The following EXOC6B variants were observed in gnomAD, a reference collection of about 807,000 sequenced individuals.
EXOC6B encodes SEC15 homolog B.
EXOC6B carries 54 observed loss-of-function variants against 113.5 expected under a neutral mutation model. The ratio of observed to expected loss-of-function variants is 0.48; its 90% CI spans 0.38 to 0.60. The LOEUF (loss-of-function observed/expected upper bound fraction) is 0.60. Ranked by LOEUF, EXOC6B falls within the 20% of genes least tolerant of loss-of-function variation. The probability of loss-of-function intolerance (pLI) is 0.00; values close to 1 mark genes in which losing one functional copy is unlikely to be tolerated. For missense variants in EXOC6B, 797 were observed against 977.5 expected (o/e 0.82, Z 2.46); for synonymous variants, 357 against 339.0 (o/e 1.05, Z -0.58).
At chr2:72,705,277 C>T (rs940133442) in intron 6 of EXOC6B, among the ~76,000 whole-genome samples, 25 of 152,116 alleles carry the variant, frequency 1.6e-4, no homozygotes, top group Admixed American at 9.2e-4. Flanking sequence ...AATTCAACAA[C>T]GCTTCATGCT....
chr2:72,228,187 G>C (rs891599914), intron 20 of EXOC6B, among the ~76,000 whole-genome samples: 1 of 152,152 alleles, frequency 6.6e-6, no homozygotes, highest in African/African-American at 2.4e-5. Context: ...ACATGGAGTT[G>C]ACATCACTTG....
At chr2:72,387,626 A>G (rs992444551) in intron 18 of EXOC6B, among the ~76,000 whole-genome samples, 2 of 152,162 alleles carry the variant, frequency 1.3e-5, no homozygotes, top group Admixed American at 6.5e-5. Context: ...TGGTCAAATT[A>G]ATTAGAATAA....
At chr2:72,617,575 T>G (rs1324851978) in intron 6 of EXOC6B, among the ~76,000 whole-genome samples, 20 of 132,530 alleles carry the variant, frequency 1.5e-4, no homozygotes, top group African/African-American at 5.7e-4. Context: ...CAGGCTGGAG[T>G]GCAAAGGCGC....
intron 6 of EXOC6B, among the ~76,000 whole-genome samples, chr2:72,596,681 C>G (rs1197816705): frequency 2.6e-5 from 4 of 152,016 alleles, no homozygotes; most frequent in Non-Finnish European, 5.9e-5. Flanking sequence ...GAGATTTAAT[C>G]ATAAGGCTAC....
intron 20 of EXOC6B, among the ~76,000 whole-genome samples, chr2:72,226,246 T>C (rs142460296): frequency 3.9e-5 from 6 of 152,294 alleles, no homozygotes; most frequent in African/African-American, 1.2e-4. Context: ...GAAAAACTAA[T>C]GAAATTCAAA....
chr2:72,491,851 C>T lies in EXOC6B; in HGVS notation c.1665+467G>A, dbSNP rs527531917. Among the ~76,000 whole-genome samples, 4 of 152,214 alleles carry T rather than the reference C, an allele frequency of 2.6e-5. No individual in the cohort carries two copies. In the South Asian group the frequency reaches 8.3e-4, roughly 32 times the overall value. ...GATAAAGAGTAATTTACCTTTCATACATATGAGATATCTTAAAAATAAAGG... is the reference window on the plus strand; with the variant it reads ...GATAAAGAGTAATTTACCTTTCATATATATGAGATATCTTAAAAATAAAGG... On this transcript the variant is annotated intron_variant, in intron 16 of 21. Coordinates refer to ENST00000272427, the MANE Select transcript of EXOC6B (RefSeq NM_015189.3).
intron 6 of EXOC6B, among the ~76,000 whole-genome samples, chr2:72,585,847 C>T (rs1705533791): frequency 6.6e-6 from 1 of 152,094 alleles, no homozygotes; most frequent in Non-Finnish European, 1.5e-5. Flanking sequence ...TAGATGTATT[C>T]ATACCCAAAT....
At chr2:72,640,119 T>C (rs959502010) in intron 6 of EXOC6B, among the ~76,000 whole-genome samples, 2 of 151,874 alleles carry the variant, frequency 1.3e-5, no homozygotes, top group African/African-American at 2.4e-5. Context: ...CTAAAAATCA[T>C]GGAAAAAAGA....
intron 6 of EXOC6B, among the ~76,000 whole-genome samples, chr2:72,687,370 G>C (rs758298776): frequency 3.9e-5 from 6 of 151,948 alleles, no homozygotes; most frequent in Non-Finnish European, 7.4e-5. Context: ...GTTTTCTTTG[G>C]TGAACACTAA....
At chr2:72,679,441 T>G (rs915708321) in intron 6 of EXOC6B, among the ~76,000 whole-genome samples, 1 of 152,200 alleles carries the variant, frequency 6.6e-6, no homozygotes, top group African/African-American at 2.4e-5. Context: ...TAGGAACCCC[T>G]GATTAAAACA....
chr2:72,296,577 T>C (rs1047823449), intron 20 of EXOC6B, among the ~76,000 whole-genome samples: 11 of 152,302 alleles, frequency 7.2e-5, no homozygotes, highest in African/African-American at 2.4e-4. Context: ...TCCTAAAAAG[T>C]GTTCCAGGTG....
chr2:72,689,721 C>T (rs769082519), intron 6 of EXOC6B, among the ~76,000 whole-genome samples: 15 of 152,160 alleles, frequency 9.9e-5, no homozygotes, highest in Non-Finnish European at 2.1e-4. Flanking sequence ...CTGATCACCA[C>T]GTCCCAGTTT....
chr2:72,321,573 A>G (rs6546763), intron 20 of EXOC6B, among the ~76,000 whole-genome samples: 30,832 of 151,386 alleles, frequency 0.2, 5,927 homozygotes, highest in African/African-American at 0.51. Flanking sequence ...AACATATGCA[A>G]AAACAGAGAT....
At chr2:72,467,820 G>T (rs183237304) in intron 17 of EXOC6B, among the ~76,000 whole-genome samples, 1 of 151,846 alleles carries the variant, frequency 6.6e-6, no homozygotes, top group Non-Finnish European at 1.5e-5. Flanking sequence ...ACCTAGGCTG[G>T]AGTGAAGTGG....
intron 1 of EXOC6B, among the ~76,000 whole-genome samples, chr2:72,806,984 C>A (rs1298935066): frequency 6.6e-6 from 1 of 152,084 alleles, no homozygotes; most frequent in Non-Finnish European, 1.5e-5. Context: ...TCTGTTTTCT[C>A]ATTTGATAGT....
chr2:72,701,366 C>T (rs1298063885), intron 6 of EXOC6B, among the ~76,000 whole-genome samples: 1 of 148,792 alleles, frequency 6.7e-6, no homozygotes, highest in Non-Finnish European at 1.5e-5. Flanking sequence ...AAAAGCTGTA[C>T]CTAAGAGAAA....
At chr2:72,440,385 G>A (rs1005354262) in intron 18 of EXOC6B, among the ~76,000 whole-genome samples, 5 of 152,114 alleles carry the variant, frequency 3.3e-5, no homozygotes, top group African/African-American at 1.2e-4. Context: ...AGAGGCTGGG[G>A]GGCCAATATT....
At chr2:72,547,764 A>G (rs1702989983) in intron 8 of EXOC6B, among the ~76,000 whole-genome samples, 1 of 152,204 alleles carries the variant, frequency 6.6e-6, no homozygotes, top group Admixed American at 6.5e-5. Context: ...AATATCTACA[A>G]GACAGAATAG....
chr2:72,547,944 C>T (rs1265011365), intron 8 of EXOC6B, among the ~76,000 whole-genome samples: 1 of 152,222 alleles, frequency 6.6e-6, no homozygotes, highest in East Asian at 1.9e-4. Context: ...TATCCTGCCC[C>T]TTACCTGCCC....
Sources: gnomAD v4.1 joint callset for allele counts (sites outside exome capture counted in the v4.1 genomes callset) on GRCh38, gnomAD v4.1.1 for gene constraint, MANE v1.5 for transcripts, NCBI Gene and HGNC (gene_info 2026-07-23, HGNC 2026-07-21) for gene names.